PDE8B: variants seen among roughly 807,000 people sequenced by gnomAD.
The protein encoded by PDE8B is high affinity cAMP-specific and IBMX-insensitive 3',5'-cyclic phosphodiesterase 8B.
A neutral mutation model predicts 101.3 loss-of-function variants in PDE8B; 26 were observed. The observed-to-expected ratio is 0.26, with a 90% CI of 0.19 to 0.36. The LOEUF (loss-of-function observed/expected upper bound fraction) is 0.36. Among genes scored for constraint, PDE8B ranks in the 10% least tolerant of loss-of-function variants. PDE8B has a pLI of 1.00. For synonymous variants in PDE8B, 424 were observed against 429.3 expected (o/e 0.99, Z 0.15); for missense variants, 810 against 1,163.1 (o/e 0.70, Z 4.42).
the PDE8B span, among the ~76,000 whole-genome samples, chr5:77,121,293 C>T: frequency 6.6e-6 from 1 of 152,184 alleles, no homozygotes; most frequent in Non-Finnish European, 1.5e-5. Context: ...GCTCCAGTGT[C>T]CCTGCCACAT....
chr5:77,092,155 A>AT, the PDE8B span, among the ~76,000 whole-genome samples: 1 of 152,154 alleles, frequency 6.6e-6, no homozygotes, highest in Non-Finnish European at 1.5e-5. Context: ...AACAAGATGT[A>AT]TTTTTTATTT....
At chr5:77,352,913 G>A (rs1781428412) in intron 9 of PDE8B, among the ~76,000 whole-genome samples, 1 of 152,184 alleles carries the variant, frequency 6.6e-6, no homozygotes, top group Non-Finnish European at 1.5e-5. Flanking sequence ...GACAATTATA[G>A]TGTGAAAGAA....
At chr5:77,172,820 T>C in the PDE8B span, among the ~76,000 whole-genome samples, 33 of 152,176 alleles carry the variant, frequency 2.2e-4, no homozygotes, top group African/African-American at 7.7e-4. Context: ...TCGGAGTAGG[T>C]AAGTTGAGCA....
chr5:77,234,521 C>A (rs79752412), intron 1 of PDE8B, among the ~76,000 whole-genome samples: 3 of 152,078 alleles, frequency 2.0e-5, no homozygotes, highest in African/African-American at 7.2e-5. Context: ...AGGACTTTAC[C>A]GAACCTCAGA....
intron 10 of PDE8B, among the ~76,000 whole-genome samples, chr5:77,391,774 G>A (rs767460919): frequency 8.5e-5 from 13 of 152,220 alleles, no homozygotes; most frequent in Admixed American, 7.9e-4. Flanking sequence ...GTTGTGTTTT[G>A]TTTGTTTTTT....
intron 10 of PDE8B, among the ~76,000 whole-genome samples, chr5:77,384,950 T>G (rs1788242130): frequency 6.6e-6 from 1 of 152,228 alleles, no homozygotes; most frequent in Non-Finnish European, 1.5e-5. Flanking sequence ...TTGTTGAGTC[T>G]CTACCAGGTT....
chr5:77,400,897 G>T (rs901914291), intron 11 of PDE8B, among the ~76,000 whole-genome samples: 2 of 152,170 alleles, frequency 1.3e-5, no homozygotes, highest in African/African-American at 4.8e-5. Flanking sequence ...CTGCTACCAA[G>T]AAGTTAAGAT....
At chr5:77,426,362 C>G in intron 21 of PDE8B, 83 bp from the exon 22 acceptor site, 2 of 870,816 alleles carry the variant, frequency 2.3e-6, no homozygotes, top group South Asian at 1.4e-5. Flanking sequence ...TGATCCCAAA[C>G]TTGTCCCAGA....
intron 10 of PDE8B, 64 bp downstream of exon 10, chr5:77,353,470 T>C: frequency 1.1e-6 from 1 of 887,798 alleles, no homozygotes; most frequent in Non-Finnish European, 1.9e-6. Flanking sequence ...TGTTCTCTGC[T>C]TATCTCACCA....
chr5:77,290,651 T>C, intron 1 of PDE8B: 1 of 1,508,708 alleles, frequency 6.6e-7, no homozygotes. Context: ...TCTGTGACTA[T>C]GCTGTTGGTT....
intron 3 of PDE8B, among the ~76,000 whole-genome samples, chr5:77,327,180 A>G (rs1223205303): frequency 2.6e-5 from 4 of 152,114 alleles, no homozygotes; most frequent in Non-Finnish European, 5.9e-5. Flanking sequence ...CTCCTGGCAG[A>G]TGTGCATTCT....
the PDE8B span, among the ~76,000 whole-genome samples, chr5:77,154,123 A>C: frequency 3.3e-5 from 5 of 152,226 alleles, no homozygotes; most frequent in Admixed American, 3.3e-4. Flanking sequence ...AAAGAATTTC[A>C]TATTGTTCAA....
chr5:77,401,607 A>G (rs756733746), intron 11 of PDE8B, among the ~76,000 whole-genome samples: 1 of 152,200 alleles, frequency 6.6e-6, no homozygotes, highest in African/African-American at 2.4e-5. Context: ...GAATGAGACA[A>G]TTATTTAAAG....
At chr5:77,349,356 C>G (rs1780686928) in intron 7 of PDE8B, 63 bp from the exon 8 acceptor site, 2 of 1,602,046 alleles carry the variant, frequency 1.2e-6, no homozygotes, top group South Asian at 1.1e-5. Flanking sequence ...ACGGGGCACA[C>G]AGACATTTCA....
At chr5:77,276,504 C>T (rs1763875886) in intron 1 of PDE8B, among the ~76,000 whole-genome samples, 1 of 152,200 alleles carries the variant, frequency 6.6e-6, no homozygotes, top group South Asian at 2.1e-4. Flanking sequence ...TGCCTTGGCA[C>T]CCAGTGGAGT....
chr5:77,383,085 CCT>C (rs762371320), intron 10 of PDE8B, among the ~76,000 whole-genome samples: 4 of 152,212 alleles, frequency 2.6e-5, no homozygotes, highest in Non-Finnish European at 5.9e-5. Context: ...TTCTCCACAT[CCT>C]CTCCAGCATC....
intron 1 of PDE8B, chr5:77,291,393 C>T (rs1030650329): frequency 4.3e-6 from 7 of 1,611,782 alleles, no homozygotes; most frequent in South Asian, 2.2e-5. Flanking sequence ...GGTTATGGAT[C>T]GCCCTGGAAA....
intron 10 of PDE8B, among the ~76,000 whole-genome samples, chr5:77,384,212 T>C (rs898015046): frequency 2.0e-5 from 3 of 152,124 alleles, no homozygotes; most frequent in African/African-American, 7.2e-5. Context: ...CCCTTGTAAG[T>C]TGTATTTCTA....
intron 20 of PDE8B, among the ~76,000 whole-genome samples, chr5:77,423,283 C>G (rs915906204): frequency 6.6e-6 from 1 of 152,164 alleles, no homozygotes; most frequent in Non-Finnish European, 1.5e-5. Context: ...TGGGTTGATT[C>G]CATGTCTTTG....
Sources: gnomAD v4.1 joint callset for allele counts (sites outside exome capture counted in the v4.1 genomes callset) on GRCh38, gnomAD v4.1.1 for gene constraint, MANE v1.5 for transcripts, NCBI Gene and HGNC (gene_info 2026-07-23, HGNC 2026-07-21) for gene names.